The following ST6GAL1 variants were observed in gnomAD, a reference collection of about 807,000 sequenced individuals.
ST6GAL1 encodes the protein beta-galactoside alpha-2,6-sialyltransferase 1.
Under a neutral mutation model 38.0 loss-of-function variants are expected in ST6GAL1, and 20 were observed. The observed-to-expected ratio is 0.53, with a 90% CI of 0.37 to 0.77. ST6GAL1 has a LOEUF of 0.77. ST6GAL1 is among the 30% of genes least tolerant of loss of function. ST6GAL1 has a pLI of 0.00. For synonymous variants in ST6GAL1, 196 were observed against 188.2 expected, an observed-to-expected ratio of 1.04 and a Z score of -0.34; for missense variants, 432 against 496.4, an observed-to-expected ratio of 0.87 and a Z score of 1.23.
At chr3:187,022,354 A>G (rs2108565886) in intron 2 of ST6GAL1, among the ~76,000 whole-genome samples, 1 of 152,140 alleles carries the variant, frequency 6.6e-6, no homozygotes, top group Admixed American at 6.5e-5. Context: ...CTACACAGGG[A>G]CTTGGGGGGT....
intron 5 of ST6GAL1, among the ~76,000 whole-genome samples, chr3:187,065,847 T>G (rs564654664): frequency 6.6e-6 from 1 of 152,340 alleles, no homozygotes; most frequent in Non-Finnish European, 1.5e-5. Flanking sequence ...ATGCCTTCTC[T>G]CATTTGATCT....
At chr3:187,022,296 A>C (rs555839082) in intron 2 of ST6GAL1, among the ~76,000 whole-genome samples, 2 of 152,060 alleles carry the variant, frequency 1.3e-5, no homozygotes, top group East Asian at 1.9e-4. Context: ...TTCTGTGTTG[A>C]TTGTTGTGGT....
At chr3:187,066,628 G>A (rs1316942354) in intron 5 of ST6GAL1, among the ~76,000 whole-genome samples, 1 of 147,932 alleles carries the variant, frequency 6.8e-6, no homozygotes, top group Non-Finnish European at 1.5e-5. Flanking sequence ...GTGTGTGTGT[G>A]TGTTTCTATT....
intron 1 of ST6GAL1, among the ~76,000 whole-genome samples, chr3:186,962,774 A>G (rs1455724907): frequency 6.6e-6 from 1 of 152,212 alleles, no homozygotes; most frequent in African/African-American, 2.4e-5. Flanking sequence ...GCTGAAGATG[A>G]CTTAAGTGTC....
intron 2 of ST6GAL1, among the ~76,000 whole-genome samples, chr3:187,032,640 T>C (rs1717793585): frequency 1.3e-5 from 2 of 152,332 alleles, no homozygotes; most frequent in South Asian, 4.1e-4. Context: ...ACTAAATGAA[T>C]GCCTGCATAA....
chr3:186,968,640 A>AT lies in ST6GAL1; in HGVS notation c.-183+4723dup, dbSNP rs142342973. 6.6e-3 allele frequency among the ~76,000 whole-genome samples: 982 copies of AT among 149,268 alleles called. 11 individuals are homozygous for AT. The highest frequency in any genetic ancestry group is 0.023 in the African/African-American group (933 of 40,640). On this transcript the variant is annotated intron_variant, in intron 2 of 7. Coordinates refer to ENST00000169298, the MANE Select transcript of ST6GAL1 (RefSeq NM_173216.2). ...ATGTAAATGGAATTATACAGCATGC[A>AT]TTTTTTTTTCATTCAGCGTAATTAT...
rs1399801474 is a variant in ST6GAL1 at position 187,022,660 on chromosome 3, C to G, written c.-182-16082C>G. ...CTAGCAAGGGAAGAGACATTAATAT[C>G]GATTCTCTGGAGATGCACGTTTCCC... On this transcript the variant is annotated intron_variant, in intron 2 of 7. Coordinates refer to ENST00000169298, the MANE Select transcript of ST6GAL1 (RefSeq NM_173216.2). Among the ~76,000 whole-genome samples the G allele has an allele frequency of 2.0e-5, 3 of 152,260 alleles. No homozygotes were observed. The East Asian group carries it at 5.8e-4, about 29-fold the overall frequency.
intron 2 of ST6GAL1, among the ~76,000 whole-genome samples, chr3:186,972,251 C>CTT (rs879574606): frequency 2.8e-5 from 4 of 145,230 alleles, no homozygotes; most frequent in African/African-American, 7.5e-5. Flanking sequence ...TTCTTACTTT[C>CTT]TTTTTTTTTT....
At chr3:187,000,744 C>T (rs1158623116) in intron 2 of ST6GAL1, among the ~76,000 whole-genome samples, 1 of 152,170 alleles carries the variant, frequency 6.6e-6, no homozygotes, top group Non-Finnish European at 1.5e-5. Flanking sequence ...AGTAGGCACC[C>T]ACACATTTAT....
chr3:187,019,872 G>C (rs987678587), intron 2 of ST6GAL1, among the ~76,000 whole-genome samples: 9 of 152,214 alleles, frequency 5.9e-5, no homozygotes, highest in African/African-American at 1.9e-4. Context: ...AGAGTAAATA[G>C]GTGTCACCAG....
chr3:187,055,368 T>C (rs1174404341), intron 5 of ST6GAL1, among the ~76,000 whole-genome samples: 11 of 152,186 alleles, frequency 7.2e-5, no homozygotes, highest in Admixed American at 2.0e-4. Flanking sequence ...TGTTTACTCT[T>C]GCTTCTCTAG....
intron 4 of ST6GAL1, 105 bp downstream of exon 4, chr3:187,043,415 G>T: frequency 6.7e-7 from 1 of 1,493,584 alleles, no homozygotes; most frequent in Non-Finnish European, 8.9e-7. Context: ...GCGGACCAGT[G>T]GAGTGGGCCC....
At chr3:186,983,961 C>T (rs999538717) in intron 2 of ST6GAL1, among the ~76,000 whole-genome samples, 27 of 152,204 alleles carry the variant, frequency 1.8e-4, no homozygotes, top group Admixed American at 1.6e-3. Context: ...ACTTTCCTAT[C>T]AGGCTTCCTA....
At chr3:187,050,628 G>C (rs767412683) in intron 4 of ST6GAL1, among the ~76,000 whole-genome samples, 6 of 151,950 alleles carry the variant, frequency 3.9e-5, no homozygotes, top group Non-Finnish European at 8.8e-5. Flanking sequence ...GGAAAAGAGA[G>C]AGAGGAAGGA....
chr3:186,945,649 A>G (rs747372340), intron 1 of ST6GAL1, among the ~76,000 whole-genome samples: 94 of 152,264 alleles, frequency 6.2e-4, no homozygotes, highest in Non-Finnish European at 1.1e-3. Flanking sequence ...ATAGGGGGTT[A>G]GGGGAGACGT....
At chr3:186,937,807 T>C (rs1233505849) in intron 1 of ST6GAL1, among the ~76,000 whole-genome samples, 2 of 152,128 alleles carry the variant, frequency 1.3e-5, no homozygotes, top group Non-Finnish European at 2.9e-5. Flanking sequence ...GAGTGGTGGC[T>C]CACTCCTGTA....
intron 2 of ST6GAL1, among the ~76,000 whole-genome samples, chr3:187,000,455 G>A (rs927947606): frequency 6.6e-5 from 10 of 151,986 alleles, no homozygotes; most frequent in Non-Finnish European, 1.2e-4. Flanking sequence ...CCAGCTACTC[G>A]GGAGGCTGAG....
intron 2 of ST6GAL1, among the ~76,000 whole-genome samples, chr3:186,987,125 A>G (rs1715952405): frequency 7.1e-6 from 1 of 141,300 alleles, no homozygotes; most frequent in Non-Finnish European, 1.6e-5. Context: ...ACTGCATAGG[A>G]AAGGAAGGAA....
intron 2 of ST6GAL1, among the ~76,000 whole-genome samples, chr3:186,976,525 G>A (rs1406544592): frequency 6.6e-6 from 1 of 152,086 alleles, no homozygotes; most frequent in East Asian, 1.9e-4. Flanking sequence ...CATCTCCCGG[G>A]TTCAAGCGCT....
Sources: allele counts gnomAD v4.1 joint callset (sites outside exome capture counted in the v4.1 genomes callset), GRCh38; gene constraint gnomAD v4.1.1; transcripts MANE v1.5; gene names NCBI Gene and HGNC (gene_info 2026-07-23, HGNC 2026-07-21).